The following CCDC85A variants were observed in gnomAD, a reference collection of about 807,000 sequenced individuals.
CCDC85A encodes the protein coiled-coil domain-containing protein 85A.
CCDC85A carries 38 observed loss-of-function variants against 50.2 expected under a neutral mutation model. The observed-to-expected ratio is 0.76, with a 90% confidence interval of 0.58 to 0.99. The LOEUF is 0.99. Among genes scored for constraint, CCDC85A ranks in the 50% least tolerant of loss-of-function variants. CCDC85A has a pLI of 0.00. For missense variants in CCDC85A, 820 were observed against 742.0 expected, an observed-to-expected ratio of 1.11 and a Z score of -1.22; for synonymous variants, 366 against 301.4, an observed-to-expected ratio of 1.21 and a Z score of -2.22.
chr2:56,347,975 A>G (rs191567204), intron 3 of CCDC85A, among the ~76,000 whole-genome samples: 1 of 152,316 alleles, frequency 6.6e-6, no homozygotes, highest in East Asian at 1.9e-4. Flanking sequence ...TGATGAGTTT[A>G]TTATAAAGTA....
At chr2:56,353,338 G>GAACATAAAAGTTCTAGTTTTCCCTAACA (rs1675051974) in intron 3 of CCDC85A, among the ~76,000 whole-genome samples, 1 of 152,096 alleles carries the variant, frequency 6.6e-6, no homozygotes, top group Non-Finnish European at 1.5e-5. Context: ...CATGTATAAT[G>GAACATAAAAGTTCTAGTTTTCCCTAACA]AACATAAAAG....
At position 56,289,432 on chromosome 2, in the gene CCDC85A, G is replaced by C. The variant is rs1294068781; in HGVS notation, c.1241-53447G>C. Among the ~76,000 whole-genome samples the C allele has an allele frequency of 2.6e-5, 4 of 152,316 alleles. No individual in the cohort carries two copies. The East Asian group carries it at 7.7e-4, about 29-fold the overall frequency. On this transcript the variant is annotated intron_variant, in intron 2 of 5. Coordinates refer to ENST00000407595, the MANE Select transcript of CCDC85A (RefSeq NM_001080433.2). ...GAAGAGGAGCTCATGAAAGGCATCT[G>C]AGCCAAGTCTTGAAAGTTGAGTAGG...
chr2:56,229,433 A>C (rs1392039263), intron 2 of CCDC85A, among the ~76,000 whole-genome samples: 2 of 152,180 alleles, frequency 1.3e-5, no homozygotes, highest in Non-Finnish European at 2.9e-5. Flanking sequence ...TGTTGCTTGT[A>C]ATTATGGAAA....
At chr2:56,267,706 C>G (rs1036640187) in intron 2 of CCDC85A, among the ~76,000 whole-genome samples, 2 of 152,132 alleles carry the variant, frequency 1.3e-5, no homozygotes, top group African/African-American at 2.4e-5. Flanking sequence ...CAAATAGACC[C>G]ATATTTCATT....
At chr2:56,316,969 A>G (rs1672949362) in intron 2 of CCDC85A, among the ~76,000 whole-genome samples, 1 of 152,132 alleles carries the variant, frequency 6.6e-6, no homozygotes, top group Non-Finnish European at 1.5e-5. Flanking sequence ...TCCCTAAACC[A>G]GAGTTACGAT....
At chr2:56,285,206 A>G (rs1671379578) in intron 2 of CCDC85A, among the ~76,000 whole-genome samples, 1 of 151,162 alleles carries the variant, frequency 6.6e-6, no homozygotes, top group African/African-American at 2.4e-5. Context: ...GGTTCAAGCA[A>G]TTCACCTGCC....
At chr2:56,275,625 A>G (rs1670899119) in intron 2 of CCDC85A, among the ~76,000 whole-genome samples, 1 of 152,232 alleles carries the variant, frequency 6.6e-6, no homozygotes, top group Non-Finnish European at 1.5e-5. Flanking sequence ...ACTATTGACC[A>G]ATACTGAGCC....
intron 2 of CCDC85A, among the ~76,000 whole-genome samples, chr2:56,261,152 T>G (rs1229019639): frequency 1.3e-5 from 2 of 152,118 alleles, no homozygotes; most frequent in Non-Finnish European, 2.9e-5. Context: ...TCTCATCTCT[T>G]AAGTGGGGAT....
intron 2 of CCDC85A, among the ~76,000 whole-genome samples, chr2:56,280,059 A>G (rs929309902): frequency 6.6e-6 from 1 of 152,228 alleles, no homozygotes; most frequent in African/African-American, 2.4e-5. Context: ...CGTGAACTAC[A>G]TACTATCCTC....
chr2:56,352,840 A>C (rs149923585), intron 3 of CCDC85A, among the ~76,000 whole-genome samples: 63 of 152,256 alleles, frequency 4.1e-4, no homozygotes, highest in African/African-American at 1.2e-3. Flanking sequence ...CTCTGTCTTT[A>C]ATCAGTTTTT....
intron 2 of CCDC85A, among the ~76,000 whole-genome samples, chr2:56,307,709 G>C (rs533281203): frequency 2.6e-5 from 4 of 152,134 alleles, no homozygotes; most frequent in South Asian, 2.1e-4. Context: ...ACTGCCCAAA[G>C]TAATGTACCT....
At chr2:56,280,469 C>T (rs1481527857) in intron 2 of CCDC85A, among the ~76,000 whole-genome samples, 1 of 152,112 alleles carries the variant, frequency 6.6e-6, no homozygotes, top group African/African-American at 2.4e-5. Context: ...AATTATAGTA[C>T]TATAATTGCT....
chr2:56,348,265 A>G (rs1301659838), intron 3 of CCDC85A, among the ~76,000 whole-genome samples: 1 of 152,184 alleles, frequency 6.6e-6, no homozygotes, highest in Non-Finnish European at 1.5e-5. Context: ...GACCCTCCCC[A>G]GAACAAACCA....
chr2:56,305,962 A>C (rs1018056472), intron 2 of CCDC85A, among the ~76,000 whole-genome samples: 3 of 152,140 alleles, frequency 2.0e-5, no homozygotes, highest in Non-Finnish European at 4.4e-5. Context: ...CCAAGAAGTG[A>C]TTCTCTTGTC....
At chr2:56,260,672 C>T (rs1017022958) in intron 2 of CCDC85A, among the ~76,000 whole-genome samples, 5 of 152,100 alleles carry the variant, frequency 3.3e-5, no homozygotes, top group East Asian at 3.9e-4. Flanking sequence ...TTGAAGGTGA[C>T]GTTGCCTGGA....
At chr2:56,269,829 GC>G (rs1460841086) in intron 2 of CCDC85A, among the ~76,000 whole-genome samples, 4 of 151,994 alleles carry the variant, frequency 2.6e-5, no homozygotes, top group Non-Finnish European at 5.9e-5. Flanking sequence ...TTCCTCTCTT[GC>G]GTTATTTCAG....
At chr2:56,257,885 T>G (rs1346888403) in intron 2 of CCDC85A, among the ~76,000 whole-genome samples, 1 of 152,086 alleles carries the variant, frequency 6.6e-6, no homozygotes, top group African/African-American at 2.4e-5. Flanking sequence ...TAGCAACTGA[T>G]GGAGGGGGAG....
intron 2 of CCDC85A, among the ~76,000 whole-genome samples, chr2:56,314,832 G>A (rs1672850227): frequency 6.6e-6 from 1 of 152,114 alleles, no homozygotes; most frequent in Non-Finnish European, 1.5e-5. Flanking sequence ...CCTCTTGAGA[G>A]TTATAGTATA....
chr2:56,264,831 A>C (rs565053437), intron 2 of CCDC85A, among the ~76,000 whole-genome samples: 42 of 152,236 alleles, frequency 2.8e-4, no homozygotes, highest in African/African-American at 9.4e-4. Flanking sequence ...TCTCCAGGCC[A>C]TCTTTGCATT....
Sources: allele counts gnomAD v4.1 joint callset (sites outside exome capture counted in the v4.1 genomes callset), GRCh38; gene constraint gnomAD v4.1.1; transcripts MANE v1.5; gene names NCBI Gene and HGNC (gene_info 2026-07-23, HGNC 2026-07-21).